Variants in UTRN observed in about 807,000 individuals in gnomAD.
The protein encoded by UTRN is utrophin.
In UTRN, 283 loss-of-function variants were observed where a neutral mutation model predicts 463.9. The observed-to-expected ratio is 0.61, with a 90% confidence interval of 0.55 to 0.67. The LOEUF (loss-of-function observed/expected upper bound fraction) is 0.67, where lower values mean the gene tolerates loss of function less well. Among genes scored for constraint, UTRN ranks in the 30% least tolerant of loss-of-function variants. UTRN has a pLI of 0.00. For synonymous variants in UTRN, 1,442 were observed against 1,431.5 expected (o/e 1.01, Z -0.17); for missense variants, 3,922 against 4,084.3 (o/e 0.96, Z 1.08).
chr6:144,776,094 A>C (rs1775297971), intron 60 of UTRN, among the ~76,000 whole-genome samples: 2 of 152,010 alleles, frequency 1.3e-5, no homozygotes, highest in Non-Finnish European at 2.9e-5. Flanking sequence ...CCTCTGGGCC[A>C]CTCCTGGAGC....
At chr6:144,661,784 T>G (rs938089935) in intron 51 of UTRN, among the ~76,000 whole-genome samples, 8 of 152,202 alleles carry the variant, frequency 5.3e-5, no homozygotes, top group African/African-American at 1.4e-4. Context: ...CTATTAGTCT[T>G]AAAAGTCTAG....
At chr6:144,599,605 T>G (rs1804027711) in intron 51 of UTRN, among the ~76,000 whole-genome samples, 2 of 152,138 alleles carry the variant, frequency 1.3e-5, no homozygotes, top group Non-Finnish European at 2.9e-5. Flanking sequence ...CAAATGAAAA[T>G]AGATTTCATT....
At chr6:144,288,046 G>T (rs1266160770) in intron 1 of UTRN, among the ~76,000 whole-genome samples, 3 of 152,220 alleles carry the variant, frequency 2.0e-5, no homozygotes, top group African/African-American at 7.2e-5. Context: ...CAAAGATTCT[G>T]CATTTGGCAA....
intron 2 of UTRN, among the ~76,000 whole-genome samples, chr6:144,296,387 C>T (rs907315505): frequency 6.6e-6 from 1 of 152,202 alleles, no homozygotes; most frequent in East Asian, 1.9e-4. Flanking sequence ...CAAAACCATC[C>T]CCCTCATCCC....
At chr6:144,824,457 T>TACAAC in intron 66 of UTRN, among the ~76,000 whole-genome samples, 1 of 47,240 alleles carries the variant, frequency 2.1e-5, no homozygotes, top group East Asian at 4.5e-3. Flanking sequence ...ACATATACAA[T>TACAAC]AAATATGTAT....
intron 26 of UTRN, among the ~76,000 whole-genome samples, chr6:144,481,037 T>G (rs757082417): frequency 7.9e-5 from 12 of 152,356 alleles, no homozygotes; most frequent in Non-Finnish European, 1.6e-4. Context: ...TTATTGTCTT[T>G]CTTTACACTA....
intron 51 of UTRN, among the ~76,000 whole-genome samples, chr6:144,676,958 G>A (rs1467889563): frequency 6.6e-6 from 1 of 152,114 alleles, no homozygotes; most frequent in Non-Finnish European, 1.5e-5. Context: ...ATTAGGCAAA[G>A]TTCAGTGATT....
intron 58 of UTRN, among the ~76,000 whole-genome samples, chr6:144,767,873 A>T (rs997192599): frequency 5.9e-5 from 9 of 152,174 alleles, no homozygotes; most frequent in African/African-American, 2.2e-4. Context: ...TTGGAATGGA[A>T]TGATATATAA....
intron 10 of UTRN, among the ~76,000 whole-genome samples, chr6:144,436,655 T>C (rs944035151): frequency 6.6e-6 from 1 of 151,238 alleles, no homozygotes; most frequent in Non-Finnish European, 1.5e-5. Context: ...TGTATAGTTA[T>C]GTGAATTGAC....
intron 2 of UTRN, among the ~76,000 whole-genome samples, chr6:144,375,251 G>A (rs1458010727): frequency 3.9e-5 from 6 of 152,124 alleles, no homozygotes; most frequent in South Asian, 2.1e-4. Context: ...TATCCTAAGC[G>A]CTGTGATCCT....
intron 22 of UTRN, 57 bp downstream of exon 22, chr6:144,461,399 A>G: frequency 2.2e-6 from 3 of 1,360,660 alleles, no homozygotes; most frequent in Non-Finnish European, 2.9e-6. Flanking sequence ...CTCCTCTTAC[A>G]TATTTTGAAA....
intron 58 of UTRN, among the ~76,000 whole-genome samples, chr6:144,759,833 T>C (rs1792449889): frequency 6.6e-6 from 1 of 152,176 alleles, no homozygotes. Flanking sequence ...ACTTTGATTT[T>C]ATCCCAGGGA....
chr6:144,567,187 C>T lies in UTRN; in HGVS notation c.7289+9876C>T, dbSNP rs75619728. ...AGGAGAAATAATGGCCCTATGGAAA[C>T]TGGTTTCAGTGAAGACAAAAAGGGA... On this transcript the variant is annotated intron_variant, in intron 50 of 74. Coordinates refer to ENST00000367545, the MANE Select transcript of UTRN (RefSeq NM_007124.3). Among the ~76,000 whole-genome samples the T allele has an allele frequency of 3.8e-3, 583 of 152,156 alleles. 1 individual carries two copies. Among genetic ancestry groups the T allele is most frequent in the African/African-American group, 0.014 (565 of 41,518 alleles).
intron 51 of UTRN, among the ~76,000 whole-genome samples, chr6:144,597,531 G>T (rs1350056182): frequency 6.6e-6 from 1 of 152,282 alleles, no homozygotes; most frequent in Non-Finnish European, 1.5e-5. Flanking sequence ...GAAAGTTGGT[G>T]TGTAACCTTA....
rs1584823343 is a variant in UTRN, at chr6:144,447,729, T to C, written c.1850T>C (p.Leu617Pro). ...AAGATCAACAGTGACTCAGAGGAAC[T>C]GACTCAAAGATGGGATTCTTTGGTT... ...SKKINSDSEE[L>P]TQRWDSLVQR... Residue 617 changes from leucine (L) to proline (P), a missense_variant, in exon 16 of 75, where the codon CTG becomes CCG. By Grantham distance (98) the Leu-to-Pro change is moderately conservative (BLOSUM62 -3). Transcript: ENST00000367545. 1 of 1,614,004 alleles carries C rather than the reference T, an allele frequency of 6.2e-7. No individual in the cohort carries two copies.
At position 144,780,221 on chromosome 6, in the gene UTRN, A is replaced by G. The variant is rs113094620; in HGVS notation, c.8633-1701A>G. Among the ~76,000 whole-genome samples the G allele has an allele frequency of 8.8e-3, 1,341 of 152,256 alleles. 14 individuals are homozygous for G. Among genetic ancestry groups the G allele is most frequent in the African/African-American group, 0.028 (1,156 of 41,574 alleles). On this transcript the variant is annotated intron_variant, in intron 60 of 74. Coordinates refer to ENST00000367545, the MANE Select transcript of UTRN (RefSeq NM_007124.3). The stretch of plus-strand genomic sequence containing the variant: ...TATTTTTTGAGAGAACAGTTTTTGC[A>G]TCAGGCGAAGAGAAAGAAGTTGGTT...
intron 51 of UTRN, among the ~76,000 whole-genome samples, chr6:144,578,447 C>T (rs1031121112): frequency 6.6e-6 from 1 of 152,108 alleles, no homozygotes; most frequent in African/African-American, 2.4e-5. Context: ...TGATTCTCAT[C>T]CCTCAGCCAC....
At chr6:144,380,056 G>A (rs187886205) in intron 2 of UTRN, among the ~76,000 whole-genome samples, 79 of 152,248 alleles carry the variant, frequency 5.2e-4, no homozygotes, top group African/African-American at 1.9e-3. Flanking sequence ...AATGAAGAAT[G>A]AATAAATAAA....
chr6:144,791,461 A>G (rs1370835706), intron 62 of UTRN, among the ~76,000 whole-genome samples: 1 of 151,976 alleles, frequency 6.6e-6, no homozygotes, highest in Non-Finnish European at 1.5e-5. Context: ...AGTCCTAGCT[A>G]CTTGGGAGAC....
Sources: gnomAD v4.1 joint callset for allele counts (sites outside exome capture counted in the v4.1 genomes callset) on GRCh38, gnomAD v4.1.1 for gene constraint, MANE v1.5 for transcripts, NCBI Gene and HGNC (gene_info 2026-07-23, HGNC 2026-07-21) for gene names.